The following CARNS1 variants were observed in gnomAD, a reference collection of about 807,000 sequenced individuals.
CARNS1 encodes the protein ATP-grasp domain containing 1.
A neutral mutation model predicts 74.0 loss-of-function variants in CARNS1; 61 were observed. The observed-to-expected ratio is 0.82, with a 90% CI of 0.67 to 1.02. The LOEUF (loss-of-function observed/expected upper bound fraction) is 1.02, where lower values mean the gene tolerates loss of function less well. Ranked by LOEUF, CARNS1 falls within the 50% of genes least tolerant of loss-of-function variation. The probability of loss-of-function intolerance (pLI) is 0.00; values close to 1 mark genes in which losing one functional copy is unlikely to be tolerated. For synonymous variants in CARNS1, 568 were observed against 605.5 expected (o/e 0.94, Z 0.91); for missense variants, 1,278 against 1,308.4 (o/e 0.98, Z 0.36).
intron 9 of CARNS1, among the ~76,000 whole-genome samples, chr11:67,422,007 G>T (rs1335579946): frequency 2.0e-5 from 3 of 151,276 alleles, no homozygotes; most frequent in Admixed American, 6.6e-5. Context: ...TCAGGCTCCC[G>T]AGTACCTGGG....
At chr11:67,417,194 G>A in intron 2 of CARNS1, 3 of 1,224,642 alleles carry the variant, frequency 2.4e-6, no homozygotes, top group African/African-American at 1.6e-5. Flanking sequence ...CCCCCCAGGG[G>A]CACCACACAG....
Position 67,420,922 on chromosome 11 carries a change from C to G in CARNS1, c.1346-17C>G. On this transcript the variant is annotated splice_polypyrimidine_tract_variant and intron_variant, in intron 8 of 9. Coordinates refer to ENST00000687366, the MANE Select transcript of CARNS1 (RefSeq NM_001166222.2). ...GGTGGCTGCCGTAGCTGAGCTCGCG[C>G]CTCCCGCCCGGCGCAGGCGTGGATT... is the stretch of plus-strand genomic sequence containing the variant. The G allele has an allele frequency of 4.4e-6, 6 of 1,372,126 alleles. No homozygotes were observed. Among genetic ancestry groups the G allele is most frequent in the Non-Finnish European group, 5.6e-6 (6 of 1,065,504 alleles). 85.0% of individuals were successfully genotyped at this position (1,372,126 alleles called of 1,614,324 possible). A position where few individuals can be genotyped will look rare whatever the true frequency, so the allele number is the denominator to read the frequency against.
Position 67,420,631 on chromosome 11 carries a change from G to C in CARNS1, c.1136G>C (p.Gly379Ala), listed in dbSNP as rs1352846596. 6.4e-6 allele frequency: 8 copies of C among 1,240,552 alleles called. No homozygotes were observed. The highest frequency in any genetic ancestry group is 8.1e-6 in the Non-Finnish European group (8 of 992,710). The allele number at this position is 1,240,552 out of a possible 1,614,324, so 76.8% of individuals were successfully genotyped here. Residue 379 changes from glycine (G) to alanine (A), a missense_variant, in exon 8 of 10, where the codon GGG (glycine) becomes GCG (alanine). Around this residue, in one of 3 missense-constraint regions of CARNS1, gnomAD observed 1,164 missense variants for 1,156.5 expected, o/e 1.01. Transcript: ENST00000687366. Reference protein sequence around the residue: ...LSKVVCGVGRGDRPLRHHNSL... With the variant: ...LSKVVCGVGRADRPLRHHNSL... ...CAGGTGGTGTGCGGCGTGGGCCGCG[G>C]GGACCGCCCTCTACGGCACCACAAC...
Position 67,425,289 on chromosome 11 carries a change from C to G in CARNS1, c.*688C>G, listed in dbSNP as rs540678506. 9.4e-5 allele frequency: 33 copies of G among 350,340 alleles called. No individual in the cohort carries two copies. Among genetic ancestry groups the G allele is most frequent in the Admixed American group, 3.8e-4 (10 of 26,550 alleles). 21.7% of individuals were successfully genotyped at this position (350,340 alleles called of 1,614,324 possible). On this transcript the variant is annotated 3_prime_UTR_variant, in exon 10 of 10. Coordinates refer to ENST00000687366, the MANE Select transcript of CARNS1 (RefSeq NM_001166222.2). ...CCACAGTGGAGAGCGGGTCACAGGA[C>G]ATGATGCAGGGTCCAGGTTTCTGTT...
intron 9 of CARNS1, among the ~76,000 whole-genome samples, chr11:67,421,490 G>T (rs1863705439): frequency 6.6e-6 from 1 of 152,142 alleles, no homozygotes; most frequent in Non-Finnish European, 1.5e-5. Flanking sequence ...GAGGAGAGGA[G>T]CCCGGGTAGA....
chr11:67,417,051 C>T (rs1863561617), intron 2 of CARNS1: 2 of 1,045,138 alleles, frequency 1.9e-6, no homozygotes, highest in Non-Finnish European at 1.2e-6. Flanking sequence ...GTGTGCCAGG[C>T]ACGCTTTAGG....
In CARNS1 at chr11:67,423,316, A is replaced by C; in HGVS notation, c.1627-59A>C. ...AAGGGGCCATCCTAGGCCCCATCCT[A>C]TCCCCCTAGCACCCAGTACTAGCTG... On this transcript the variant is annotated intron_variant, in intron 9 of 9. Transcript: ENST00000687366. This position sits in a 1 kb window ranked among gnomAD's most constrained non-coding sequence, Gnocchi z 5.1. The C allele has an allele frequency of 6.5e-7, 1 of 1,533,678 alleles. No homozygotes were observed. The highest frequency in any genetic ancestry group is 8.8e-7 in the Non-Finnish European group (1 of 1,134,222).
chr11:67,418,326 A>T, intron 3 of CARNS1, 105 bp from the exon 4 acceptor site: 1 of 767,792 alleles, frequency 1.3e-6, no homozygotes, highest in Non-Finnish European at 1.9e-6. Flanking sequence ...TCCTGGGAAA[A>T]CTCTGGGGGC....
In CARNS1 at chr11:67,423,455, C is replaced by A. The variant is rs770621501; in HGVS notation, c.1707C>A (p.His569Gln). 2 of 1,614,022 alleles carry A rather than the reference C, an allele frequency of 1.2e-6. No homozygotes were observed. The highest frequency in any genetic ancestry group is 1.7e-6 in the Non-Finnish European group (2 of 1,179,886). Residue 569 changes from histidine (H) to glutamine (Q), a missense_variant, in exon 10 of 10, where the codon CAC becomes CAA. His to Gln is a conservative substitution (Grantham distance 24). Coordinates refer to ENST00000687366, the MANE Select transcript of CARNS1 (RefSeq NM_001166222.2). This position sits in a 1 kb window ranked among gnomAD's most constrained non-coding sequence, Gnocchi z 5.1. ...QTFIHFDMTE[H>Q]RRDEENARLL... The stretch of plus-strand genomic sequence containing the variant: ...TCATCCACTTTGACATGACAGAGCA[C>A]CGGAGGGATGAGGAGAACGCACGGC...
intron 4 of CARNS1, 102 bp from the exon 5 acceptor site, chr11:67,418,654 G>C: frequency 6.9e-7 from 1 of 1,450,692 alleles, no homozygotes; most frequent in Non-Finnish European, 9.1e-7. Context: ...ATGCTGAATG[G>C]GGATGGGTTC....
rs759947228 is a variant in CARNS1 at position 67,424,516 on chromosome 11, G to A, written c.2768G>A (p.Arg923His). 8.2e-6 allele frequency: 13 copies of A among 1,594,108 alleles called. No individual in the cohort carries two copies. The highest frequency in any genetic ancestry group is 5.3e-5 in the Admixed American group (3 of 57,112). Reference sequence around the variant, plus strand: ...GCCGGACCCAGCCCCACCGAGGCCCGTCTCCGCCTGCTGGGCCTCTGCCAG... The same window carrying A: ...GCCGGACCCAGCCCCACCGAGGCCCATCTCCGCCTGCTGGGCCTCTGCCAG... ...ACAGPSPTEA[R>H]LRLLGLCQGL... is the part of the protein sequence containing the mutation. Residue 923 changes from arginine (R) to histidine (H), a missense_variant, in exon 10 of 10, where the codon CGT becomes CAT. Around this residue, in one of 3 missense-constraint regions of CARNS1, gnomAD observed 1,164 missense variants for 1,156.5 expected, o/e 1.01. Coordinates refer to ENST00000687366, the MANE Select transcript of CARNS1 (RefSeq NM_001166222.2).
chr11:67,419,940 G>A (rs942206733), intron 7 of CARNS1, 102 bp downstream of exon 7: 26 of 1,221,558 alleles, frequency 2.1e-5, no homozygotes, highest in Admixed American at 1.0e-4. Flanking sequence ...TGGGCAGAGA[G>A]GACAAAATCC....
In CARNS1 at chr11:67,424,801, G is replaced by A. The variant is rs1383274784; in HGVS notation, c.*200G>A. 4.7e-6 allele frequency: 3 copies of A among 643,172 alleles called. No individual in the cohort carries two copies. Among genetic ancestry groups the A allele is most frequent in the African/African-American group, 3.7e-5 (2 of 54,686 alleles). 39.8% of individuals were successfully genotyped at this position (643,172 alleles called of 1,614,324 possible). On this transcript the variant is annotated 3_prime_UTR_variant, in exon 10 of 10. Coordinates refer to ENST00000687366, the MANE Select transcript of CARNS1 (RefSeq NM_001166222.2). ...GGACTCAAGGGCCTCTTGCCCTCCC[G>A]AAGGCCCCAGTCCAGCCTACAGCTT... is the stretch of plus-strand genomic sequence containing the variant.
chr11:67,417,440 T>G lies in CARNS1; in HGVS notation c.37T>G (p.Cys13Gly), dbSNP rs1804756756. Residue 13 changes from cysteine to glycine, a missense_variant, in exon 3 of 10, where the codon TGC (cysteine) becomes GGC (glycine). Transcript: ENST00000687366. ...GGATCCATCGGGTCCCGAGTGGGAT[T>G]GCCCACTGGGCTCCAAGGACCTGGA... ...SLDPSGPEWD[C>G]PLGSKDLEEE... The G allele has an allele frequency of 7.1e-7, 1 of 1,416,158 alleles. No homozygotes were observed. The highest frequency in any genetic ancestry group is 2.9e-5 in the Admixed American group (1 of 34,712). 87.7% of individuals were successfully genotyped at this position (1,416,158 alleles called of 1,614,324 possible).
rs769476328 is a variant in CARNS1, at chr11:67,419,106, C to T, written c.715C>T (p.Pro239Ser). ...PATLAFTYKP[P>S]GLLRGGDASL... ...AACCCTGGCTTTCACCTACAAGCCG[C>T]CGGGGCTGCTGCGGGGAGGGGATGC... Residue 239 changes from proline (P) to serine (S), a missense_variant, in exon 5 of 10, where the codon CCG becomes TCG. By Grantham distance (74) the Pro-to-Ser change is moderately conservative. Transcript: ENST00000687366. 1 of 1,571,282 alleles carries T rather than the reference C, an allele frequency of 6.4e-7. No homozygotes were observed. Among genetic ancestry groups the T allele is most frequent in the Admixed American group, 1.8e-5 (1 of 54,220 alleles).
chr11:67,421,084 G>C lies in CARNS1; in HGVS notation c.1491G>C (p.Val497=). The part of the protein sequence containing the change: ...PRLGPAADEA[V]AAPLVETMLR... The stretch of plus-strand genomic sequence containing the variant: ...TGGGGCCGGCGGCCGACGAGGCGGT[G>C]GCGGCGCCGCTGGTGGAGACCATGC... Residue 497 remains valine, a synonymous_variant, in exon 9 of 10, where the codon GTG becomes GTC. Coordinates refer to ENST00000687366, the MANE Select transcript of CARNS1 (RefSeq NM_001166222.2). The C allele has an allele frequency of 7.2e-7, 1 of 1,379,800 alleles. No individual in the cohort carries two copies. Among genetic ancestry groups the C allele is most frequent in the Non-Finnish European group, 9.3e-7 (1 of 1,076,462 alleles). The allele number at this position is 1,379,800 out of a possible 1,614,324, so 85.5% of individuals were successfully genotyped here.
chr11:67,416,442 G>C, intron 2 of CARNS1: 1 of 1,359,774 alleles, frequency 7.4e-7, no homozygotes, highest in Non-Finnish European at 9.5e-7. Flanking sequence ...TCTAGGAGAC[G>C]GCACAGAGGC....
chr11:67,420,652 A>G lies in CARNS1; in HGVS notation c.1157A>G (p.His386Arg). ...CGCGGGGACCGCCCTCTACGGCACC[A>G]CAACTCCCTGCCGAGGACGCTGGAG... ...VGRGDRPLRHHNSLPRTLEVA... is the reference protein window; with the variant it reads ...VGRGDRPLRHRNSLPRTLEVA... The change falls in exon 8 of 10, where the codon CAC becomes CGC. Residue 386 changes from histidine (H) to arginine (R), a missense_variant. This residue lies in a region of CARNS1 where 1,164 missense variants were observed against 1,156.5 expected (regional missense o/e 1.01). Transcript: ENST00000687366. 8.0e-7 allele frequency: 1 copy of G among 1,252,370 alleles called. No homozygotes were observed. Among genetic ancestry groups the G allele is most frequent in the Non-Finnish European group, 1.0e-6 (1 of 1,000,202 alleles). The allele number at this position is 1,252,370 out of a possible 1,614,324, so 77.6% of individuals were successfully genotyped here.
chr11:67,416,516 A>G, intron 2 of CARNS1: 2 of 1,216,586 alleles, frequency 1.6e-6, no homozygotes, highest in Non-Finnish European at 2.1e-6. Context: ...CGTCTGGGCC[A>G]CAGCACACCA....
Sources: gnomAD v4.1 joint callset for allele counts (sites outside exome capture counted in the v4.1 genomes callset) on GRCh38, gnomAD v4.1.1 for gene constraint, gnomAD v4.1.1 regional missense constraint, Gnocchi (gnomAD v3.1) non-coding constraint, MANE v1.5 for transcripts, NCBI Gene and HGNC (gene_info 2026-07-23, HGNC 2026-07-21) for gene names.